Variants in FBF1 observed in about 807,000 individuals in gnomAD.
FBF1 encodes the protein fas-binding factor 1.
A neutral mutation model predicts 147.2 loss-of-function variants in FBF1; 119 were observed. The observed-to-expected ratio is 0.81, with a 90% CI of 0.70 to 0.94. FBF1 has a LOEUF of 0.94. Ranked by LOEUF, FBF1 falls within the 40% of genes least tolerant of loss-of-function variation. The pLI is 0.00. For synonymous variants in FBF1, 601 were observed against 609.0 expected, an observed-to-expected ratio of 0.99 and a Z score of 0.19; for missense variants, 1,449 against 1,500.8, an observed-to-expected ratio of 0.97 and a Z score of 0.57.
At chr17:75,915,228 G>A in intron 23 of FBF1, 89 bp from the exon 24 acceptor site, 1 of 1,491,932 alleles carries the variant, frequency 6.7e-7, no homozygotes, top group Admixed American at 2.1e-5. Context: ...GAACCCACCA[G>A]TGTCTCCCAC....
intron 4 of FBF1, among the ~76,000 whole-genome samples, 169 bp from the exon 5 acceptor site, chr17:75,933,257 G>C (rs990301372): frequency 1.3e-5 from 2 of 152,112 alleles, no homozygotes; most frequent in African/African-American, 4.8e-5. Flanking sequence ...TGGGAGAGAG[G>C]GTGGTACATT....
rs1363230659 is a variant in FBF1 at position 75,928,010 on chromosome 17, CAA to C, written c.397+64_397+65del. ...TTCCTACTAGCATCTTCCACGTCCT[CAA>C]AGTCTCCCTAGCAGATGCGAGGAGC... On this transcript the variant is annotated intron_variant, in intron 8 of 29. Coordinates refer to ENST00000636174, the MANE Select transcript of FBF1 (RefSeq NM_001319193.2). This position sits in a 1 kb window ranked among gnomAD's most constrained non-coding sequence, Gnocchi z 4.2. The C allele has an allele frequency of 2.2e-6, 3 of 1,358,634 alleles. No individual in the cohort carries two copies. The highest frequency in any genetic ancestry group is 3.1e-6 in the Non-Finnish European group (3 of 962,552). 84.2% of individuals were successfully genotyped at this position (1,358,634 alleles called of 1,614,324 possible). A position where few individuals can be genotyped will look rare whatever the true frequency, so the allele number is the denominator to read the frequency against.
intron 1 of FBF1, 116 bp from the exon 2 acceptor site, chr17:75,938,348 G>A: frequency 1.4e-6 from 1 of 714,848 alleles, no homozygotes; most frequent in Non-Finnish European, 2.3e-6. Flanking sequence ...ATCACCTGAG[G>A]TCAGGAATTC....
intron 4 of FBF1, among the ~76,000 whole-genome samples, chr17:75,935,313 C>T (rs1477259122): frequency 4.2e-4 from 64 of 152,082 alleles, no homozygotes; most frequent in Non-Finnish European, 1.6e-4. Context: ...TACAGGCGCC[C>T]GCCACTATGC....
Position 75,918,121 on chromosome 17 carries a change from C to T in FBF1, c.2246+41G>A. The T allele has an allele frequency of 3.1e-6, 5 of 1,607,696 alleles. No homozygotes were observed. The highest frequency in any genetic ancestry group is 1.3e-5 in the African/African-American group (1 of 74,940). ...CCTGACGGTCTCGGGGACCTTCCGG[C>T]CCCCAACGTCAGGCGGGCATGGTTG... is the stretch of plus-strand genomic sequence containing the variant. On this transcript the variant is annotated intron_variant, in intron 21 of 29. Coordinates refer to ENST00000636174, the MANE Select transcript of FBF1 (RefSeq NM_001319193.2). The surrounding 1 kb of genome is among the most constrained non-coding windows in gnomAD (Gnocchi z 5.8).
chr17:75,927,205 C>T (rs901361067), intron 9 of FBF1, among the ~76,000 whole-genome samples: 24 of 152,208 alleles, frequency 1.6e-4, no homozygotes, highest in African/African-American at 3.9e-4. Context: ...ACATTCATGA[C>T]GGGAAAGGGG....
chr17:75,926,941 A>C (rs1359932767), intron 9 of FBF1, 64 bp from the exon 10 acceptor site: 12 of 1,559,940 alleles, frequency 7.7e-6, no homozygotes, highest in Non-Finnish European at 9.6e-6. Context: ...GCAAGCCTGA[A>C]CTGGGGAGCA....
At position 75,915,028 on chromosome 17, in the gene FBF1, C is replaced by T. The variant is rs748997235; in HGVS notation, c.2617G>A (p.Glu873Lys). Residue 873 changes from glutamate to lysine, a missense_variant, in exon 24 of 30, where the codon GAA (glutamate) becomes AAA (lysine). Physicochemically the swap from Glu to Lys is moderately conservative, Grantham distance 56. Coordinates refer to ENST00000636174, the MANE Select transcript of FBF1 (RefSeq NM_001319193.2). ...GTGGCTTGACTCACCTTGGCCCGTT[C>T]CAGCTCCGCCCTTTCCATGGCCATC... is the stretch of plus-strand genomic sequence containing the variant. ...QQMAMERAELERAKSALLEEQ... is the reference protein window; with the variant it reads ...QQMAMERAELKRAKSALLEEQ... 11 of 1,613,532 alleles carry T rather than the reference C, an allele frequency of 6.8e-6. No homozygotes were observed. The highest frequency in any genetic ancestry group is 5.5e-5 in the South Asian group (5 of 91,080).
chr17:75,917,602 C>A, intron 23 of FBF1, 130 bp downstream of exon 23: 1 of 810,482 alleles, frequency 1.2e-6, no homozygotes, highest in Non-Finnish European at 1.9e-6. Context: ...GATGTAGAGG[C>A]AGGAAGCGGC....
rs1393538064 is a variant in FBF1, at chr17:75,926,174, G to A, written c.735-11C>T. 1 of 1,606,634 alleles carries A rather than the reference G, an allele frequency of 6.2e-7. No homozygotes were observed. Among genetic ancestry groups the A allele is most frequent in the Non-Finnish European group, 8.5e-7 (1 of 1,177,394 alleles). On this transcript the variant is annotated splice_polypyrimidine_tract_variant and intron_variant, in intron 11 of 29. Transcript: ENST00000636174. Reference sequence around the variant, plus strand: ...GGGCGAGGCCCTTCCCTGCAGGACGGGACACACGGCAGGAACGTGTAGGTA... The same window carrying A: ...GGGCGAGGCCCTTCCCTGCAGGACGAGACACACGGCAGGAACGTGTAGGTA...
chr17:75,937,666 G>T, intron 2 of FBF1, 73 bp from the exon 3 acceptor site: 1 of 1,519,370 alleles, frequency 6.6e-7, no homozygotes. Flanking sequence ...AATGCAGAAT[G>T]AATTGCGTTG....
At chr17:75,914,444 G>C in intron 25 of FBF1, 146 bp from the exon 26 acceptor site, 1 of 1,283,884 alleles carries the variant, frequency 7.8e-7, no homozygotes, top group African/African-American at 1.5e-5. Flanking sequence ...AGAAGCCTGG[G>C]GCCAAGCCGG....
chr17:75,917,572 G>T (rs2065495879), intron 23 of FBF1, among the ~76,000 whole-genome samples, 160 bp downstream of exon 23: 1 of 152,200 alleles, frequency 6.6e-6, no homozygotes, highest in African/African-American at 2.4e-5. Flanking sequence ...GCAGTGCTGA[G>T]AGCCTGGCCA....
At position 75,928,604 on chromosome 17, in the gene FBF1, T is replaced by C. The variant is rs2065576168; in HGVS notation, c.280-411A>G. On this transcript the variant is annotated intron_variant, in intron 7 of 29. Transcript: ENST00000636174. This position sits in a 1 kb window ranked among gnomAD's most constrained non-coding sequence, Gnocchi z 4.2. ...GCAGGTGGATCACCAGGTCAAGAAA[T>C]CGAGACCATCCTGGCCAACATGATG... 6.6e-6 allele frequency among the ~76,000 whole-genome samples: 1 copy of C among 151,790 alleles called. No homozygotes were observed. Among genetic ancestry groups the C allele is most frequent in the South Asian group, 2.1e-4 (1 of 4,826 alleles).
In FBF1 at chr17:75,914,728, C is replaced by A; in HGVS notation, c.2814+19G>T. ...AGGCAACCCTGGGCCCTCCACTGTC[C>A]GGAGGCTCTGGGCCCTACCTTGGCC... On this transcript the variant is annotated intron_variant, in intron 25 of 29. Transcript: ENST00000636174. 1 of 1,535,662 alleles carries A rather than the reference C, an allele frequency of 6.5e-7. No homozygotes were observed. The highest frequency in any genetic ancestry group is 2.4e-5 in the East Asian group (1 of 41,282).
intron 13 of FBF1, among the ~76,000 whole-genome samples, chr17:75,924,603 G>A (rs996642481): frequency 7.9e-5 from 12 of 152,006 alleles, no homozygotes; most frequent in Admixed American, 4.6e-4. Context: ...TCAGCCTCCC[G>A]AGTAGCTGGA....
rs1047145124 is a variant in FBF1 at position 75,922,287 on chromosome 17, C to A, written c.1425-241G>T. Among the ~76,000 whole-genome samples the A allele has an allele frequency of 3.3e-5, 5 of 152,078 alleles. No individual in the cohort carries two copies. Among genetic ancestry groups the A allele is most frequent in the Non-Finnish European group, 7.4e-5 (5 of 68,018 alleles). On this transcript the variant is annotated intron_variant, in intron 14 of 29. Coordinates refer to ENST00000636174, the MANE Select transcript of FBF1 (RefSeq NM_001319193.2). The surrounding 1 kb of genome is among the most constrained non-coding windows in gnomAD (Gnocchi z 5.0). ...CAGTGGTGCAGTGAATGGACACTGT[C>A]CAAGCAGTGACAACGGAAATGTTAT...
intron 9 of FBF1, 25 bp from the exon 10 acceptor site, chr17:75,926,902 G>T (rs2065565508): frequency 1.9e-6 from 3 of 1,598,638 alleles, no homozygotes. Flanking sequence ...GAAAGCACAG[G>T]TCAGACTGCA....
In FBF1 at chr17:75,925,450, T is replaced by C; in HGVS notation, c.869-4A>G. 1 of 1,611,930 alleles carries C rather than the reference T, an allele frequency of 6.2e-7. No homozygotes were observed. Among genetic ancestry groups the C allele is most frequent in the Non-Finnish European group, 8.5e-7 (1 of 1,178,922 alleles). ...TCACCCCACATATCTTCACTGTCTG[T>C]GAATTAAGGAGCCTGTGACCGTGAT... On this transcript the variant is annotated splice_region_variant and splice_polypyrimidine_tract_variant and intron_variant, in intron 12 of 29. Coordinates refer to ENST00000636174, the MANE Select transcript of FBF1 (RefSeq NM_001319193.2). The surrounding 1 kb of genome is among the most constrained non-coding windows in gnomAD (Gnocchi z 5.0).
Sources: allele counts gnomAD v4.1 joint callset (sites outside exome capture counted in the v4.1 genomes callset), GRCh38; gene constraint gnomAD v4.1.1; non-coding constraint Gnocchi (gnomAD v3.1); transcripts MANE v1.5; gene names NCBI Gene and HGNC (gene_info 2026-07-23, HGNC 2026-07-21).